Variants in SLC2A13 observed in about 807,000 individuals in gnomAD.
SLC2A13 encodes solute carrier family 2 member 13.
A neutral mutation model predicts 64.4 loss-of-function variants in SLC2A13; 32 were observed. The ratio of observed to expected loss-of-function variants is 0.50; its 90% CI spans 0.37 to 0.67. The LOEUF (loss-of-function observed/expected upper bound fraction) is 0.67, where lower values mean the gene tolerates loss of function less well. SLC2A13 is among the 30% of genes least tolerant of loss of function. The probability of loss-of-function intolerance (pLI) is 0.00; values close to 1 mark genes in which losing one functional copy is unlikely to be tolerated. For missense variants in SLC2A13, 743 were observed against 829.2 expected (o/e 0.90, Z 1.28); for synonymous variants, 338 against 327.1 (o/e 1.03, Z -0.36).
chr12:39,829,744 G>C (rs1942801861), intron 7 of SLC2A13: 1 of 258,400 alleles, frequency 3.9e-6, no homozygotes, highest in African/African-American at 2.2e-5. Context: ...TGACTTTACA[G>C]TTTTCTTTCA....
intron 2 of SLC2A13, among the ~76,000 whole-genome samples, chr12:40,045,312 T>C (rs1948153897): frequency 6.6e-6 from 1 of 152,062 alleles, no homozygotes; most frequent in African/African-American, 2.4e-5. Context: ...AAATTTTACA[T>C]GATATATTTA....
chr12:40,017,599 C>A (rs1203750497), intron 3 of SLC2A13, among the ~76,000 whole-genome samples: 1 of 152,118 alleles, frequency 6.6e-6, no homozygotes, highest in Non-Finnish European at 1.5e-5. Context: ...GTGCATCAAG[C>A]CATTTTGATA....
At chr12:39,944,539 C>T (rs1433607262) in intron 4 of SLC2A13, among the ~76,000 whole-genome samples, 1 of 152,126 alleles carries the variant, frequency 6.6e-6, no homozygotes. Context: ...GTTAGGTGCA[C>T]ATGTTTAGGA....
At chr12:39,784,305 C>A (rs538138562) in intron 7 of SLC2A13, among the ~76,000 whole-genome samples, 2 of 152,142 alleles carry the variant, frequency 1.3e-5, no homozygotes, top group South Asian at 4.1e-4. Context: ...GGAGGCATCA[C>A]GCTACCTGAC....
At chr12:40,079,011 G>T (rs1043288904) in intron 1 of SLC2A13, among the ~76,000 whole-genome samples, 18 of 151,936 alleles carry the variant, frequency 1.2e-4, no homozygotes, top group Admixed American at 3.3e-4. Context: ...GTGTTTATTA[G>T]GATCTTTTTT....
At chr12:39,865,684 T>A (rs1322392536) in intron 5 of SLC2A13, among the ~76,000 whole-genome samples, 1 of 152,210 alleles carries the variant, frequency 6.6e-6, no homozygotes, top group African/African-American at 2.4e-5. Flanking sequence ...TATGATGGAA[T>A]ACTATGCAGC....
intron 4 of SLC2A13, among the ~76,000 whole-genome samples, chr12:39,935,558 G>T (rs1945904005): frequency 6.6e-6 from 1 of 152,168 alleles, no homozygotes; most frequent in Non-Finnish European, 1.5e-5. Context: ...GGGGAATATT[G>T]CAAGGGGGCA....
chr12:40,096,802 A>G (rs527431611), intron 1 of SLC2A13, among the ~76,000 whole-genome samples: 4 of 152,236 alleles, frequency 2.6e-5, no homozygotes, highest in African/African-American at 7.2e-5. Flanking sequence ...CTGTCTTACT[A>G]CTGTTCCCTC....
chr12:40,016,525 G>A lies in SLC2A13; in HGVS notation c.925+11776C>T, dbSNP rs545179123. ...AATTCTATGGTCAAGATAATCATTT[G>A]TCTTAAAAGTGCTGAAGCCACTGTA... On this transcript the variant is annotated intron_variant, in intron 3 of 9. Transcript: ENST00000280871. 5.9e-5 allele frequency among the ~76,000 whole-genome samples: 9 copies of A among 152,230 alleles called. No homozygotes were observed. The South Asian group carries it at 1.9e-3, about 32-fold the overall frequency.
chr12:40,082,015 C>A (rs936810213), intron 1 of SLC2A13, among the ~76,000 whole-genome samples: 15 of 152,274 alleles, frequency 9.9e-5, no homozygotes, highest in African/African-American at 3.6e-4. Context: ...GGCCCACAGC[C>A]TTTTTTCTCT....
chr12:40,015,105 A>C (rs1219513866), intron 3 of SLC2A13, among the ~76,000 whole-genome samples: 1 of 152,144 alleles, frequency 6.6e-6, no homozygotes, highest in Admixed American at 6.5e-5. Flanking sequence ...TAATAACTAT[A>C]ATTTATTCTT....
chr12:39,911,085 A>C (rs1945420435), intron 4 of SLC2A13, among the ~76,000 whole-genome samples: 1 of 152,018 alleles, frequency 6.6e-6, no homozygotes, highest in Admixed American at 6.6e-5. Flanking sequence ...ACTTCCTCTC[A>C]AAACAAAACA....
intron 4 of SLC2A13, among the ~76,000 whole-genome samples, chr12:39,934,791 G>A (rs1451647268): frequency 2.0e-5 from 3 of 152,124 alleles, no homozygotes; most frequent in African/African-American, 4.8e-5. Flanking sequence ...CTTATATGTA[G>A]TTCTCTAAGG....
chr12:39,992,044 T>C (rs1947147047), intron 3 of SLC2A13, among the ~76,000 whole-genome samples: 1 of 152,162 alleles, frequency 6.6e-6, no homozygotes, highest in Non-Finnish European at 1.5e-5. Context: ...ACAGCAATTG[T>C]AGCAGGGATT....
At chr12:39,979,601 A>G (rs1337710409) in intron 3 of SLC2A13, among the ~76,000 whole-genome samples, 4 of 145,286 alleles carry the variant, frequency 2.8e-5, no homozygotes, top group Non-Finnish European at 6.0e-5. Context: ...AATGAAATGA[A>G]GCGAGAAGGG....
intron 7 of SLC2A13, among the ~76,000 whole-genome samples, chr12:39,815,308 T>C (rs960477547): frequency 2.0e-5 from 3 of 152,190 alleles, no homozygotes; most frequent in Non-Finnish European, 4.4e-5. Flanking sequence ...CTGTACTGGA[T>C]ATGGTGATGG....
intron 7 of SLC2A13, among the ~76,000 whole-genome samples, chr12:39,765,633 C>G (rs1940319525): frequency 6.6e-6 from 1 of 152,094 alleles, no homozygotes; most frequent in Non-Finnish European, 1.5e-5. Context: ...TCATAACATT[C>G]CACCTGTCTT....
chr12:39,778,110 G>A (rs1940843239), intron 7 of SLC2A13, among the ~76,000 whole-genome samples: 1 of 152,148 alleles, frequency 6.6e-6, no homozygotes, highest in Non-Finnish European at 1.5e-5. Flanking sequence ...TGAGCAGCAG[G>A]GCGGTGAAGA....
At chr12:39,919,078 T>G (rs903127255) in intron 4 of SLC2A13, among the ~76,000 whole-genome samples, 1 of 151,750 alleles carries the variant, frequency 6.6e-6, no homozygotes, top group Non-Finnish European at 1.5e-5. Context: ...TCTACTGGGC[T>G]CAAGTGATCC....
Sources: gnomAD v4.1 joint callset for allele counts (sites outside exome capture counted in the v4.1 genomes callset) on GRCh38, gnomAD v4.1.1 for gene constraint, MANE v1.5 for transcripts, NCBI Gene and HGNC (gene_info 2026-07-23, HGNC 2026-07-21) for gene names.